PLCZ1: variants seen among roughly 807,000 people sequenced by gnomAD.
PLCZ1 encodes the protein phospholipase C zeta 1.
A neutral mutation model predicts 76.8 loss-of-function variants in PLCZ1; 64 were observed. The observed-to-expected ratio is 0.83, with a 90% CI of 0.68 to 1.03. PLCZ1 has a LOEUF of 1.03. Among genes scored for constraint, PLCZ1 ranks in the 50% least tolerant of loss-of-function variants. The pLI, the probability that PLCZ1 is intolerant of heterozygous loss-of-function variation, is 0.00. For synonymous variants in PLCZ1, 248 were observed against 230.8 expected, an observed-to-expected ratio of 1.07 and a Z score of -0.68; for missense variants, 751 against 713.7, an observed-to-expected ratio of 1.05 and a Z score of -0.60.
At chr12:18,651,313 C>G in the PLCZ1 span, among the ~76,000 whole-genome samples, 1 of 152,228 alleles carries the variant, frequency 6.6e-6, no homozygotes, top group African/African-American at 2.4e-5. Flanking sequence ...CCCTGCCTAC[C>G]TTGAACACCC....
At chr12:18,668,743 C>A in the PLCZ1 span, among the ~76,000 whole-genome samples, 1 of 152,116 alleles carries the variant, frequency 6.6e-6, no homozygotes, top group African/African-American at 2.4e-5. Context: ...TGCTCACACC[C>A]CAAAGCTATA....
At chr12:18,657,209 G>T in the PLCZ1 span, among the ~76,000 whole-genome samples, 18 of 152,156 alleles carry the variant, frequency 1.2e-4, no homozygotes, top group African/African-American at 4.3e-4. Context: ...AGGAATAATA[G>T]AGTTGGAACA....
the PLCZ1 span, chr12:18,648,184 A>AT: frequency 2.6e-6 from 1 of 385,568 alleles, no homozygotes; most frequent in African/African-American, 2.1e-5. Flanking sequence ...TGTGTTGTTT[A>AT]TTTTCTACCT....
chr12:18,675,331 A>T, the PLCZ1 span, among the ~76,000 whole-genome samples: 2 of 152,254 alleles, frequency 1.3e-5, no homozygotes, highest in East Asian at 3.9e-4. Flanking sequence ...AAAGTTTTAT[A>T]ACCATTATAG....
chr12:18,724,573 A>T (rs16914547), intron 3 of PLCZ1, among the ~76,000 whole-genome samples: 4,472 of 152,234 alleles, frequency 0.029, 109 homozygotes, highest in Non-Finnish European at 0.043. Context: ...GTCAAATCAG[A>T]TGCGGGGTCT....
intron 6 of PLCZ1, among the ~76,000 whole-genome samples, chr12:18,712,182 TA>T (rs1957424003): frequency 6.6e-6 from 1 of 152,164 alleles, no homozygotes; most frequent in East Asian, 1.9e-4. Flanking sequence ...TCAAGTGTGT[TA>T]AGTTTACAAA....
rs1959607968 is a variant in PLCZ1 at position 18,737,931 on chromosome 12, C to T, written c.-139+1G>A. The T allele has an allele frequency of 3.2e-6, 1 of 311,728 alleles. No homozygotes were observed. Among genetic ancestry groups the T allele is most frequent in the Admixed American group, 4.7e-5 (1 of 21,504 alleles). The allele number at this position is 311,728 out of a possible 1,614,324, so 19.3% of individuals were successfully genotyped here. On this transcript the variant is annotated splice_donor_variant, in intron 1 of 14. Coordinates refer to ENST00000266505, the MANE Select transcript of PLCZ1 (RefSeq NM_033123.4). LOFTEE classifies it low-confidence loss of function (5UTR_SPLICE). Reference sequence around the variant, plus strand: ...AACATATAATGCACACAGAGACACACCACTTTCGAAGAAGACTGTTCAGGA... The same window carrying T: ...AACATATAATGCACACAGAGACACATCACTTTCGAAGAAGACTGTTCAGGA...
At chr12:18,670,754 A>G in the PLCZ1 span, among the ~76,000 whole-genome samples, 20 of 152,138 alleles carry the variant, frequency 1.3e-4, no homozygotes, top group Non-Finnish European at 2.4e-4. Context: ...ATCCTGAACT[A>G]TTTTAGGTGC....
chr12:18,660,969 A>G, the PLCZ1 span, among the ~76,000 whole-genome samples: 2 of 152,160 alleles, frequency 1.3e-5, no homozygotes, highest in Non-Finnish European at 2.9e-5. Context: ...TAGAAAACCC[A>G]AATGAAGCCA....
chr12:18,650,493 C>A, the PLCZ1 span, among the ~76,000 whole-genome samples: 2 of 148,768 alleles, frequency 1.3e-5, no homozygotes, highest in South Asian at 2.1e-4. Context: ...TAAATGTTTT[C>A]CTGTGTATGA....
chr12:18,655,500 A>G, the PLCZ1 span, among the ~76,000 whole-genome samples: 1 of 152,224 alleles, frequency 6.6e-6, no homozygotes, highest in Non-Finnish European at 1.5e-5. Context: ...GGTAGAACAT[A>G]GCTACCCATT....
At chr12:18,683,821 C>G (rs1304963913) in intron 14 of PLCZ1, among the ~76,000 whole-genome samples, 1 of 151,874 alleles carries the variant, frequency 6.6e-6, no homozygotes, top group Non-Finnish European at 1.5e-5. Context: ...GGTTGCCACC[C>G]ATCATCATTT....
At chr12:18,664,202 G>A in the PLCZ1 span, among the ~76,000 whole-genome samples, 1 of 152,170 alleles carries the variant, frequency 6.6e-6, no homozygotes, top group African/African-American at 2.4e-5. Flanking sequence ...GCCACTGTGG[G>A]ACACAGTTTG....
At chr12:18,736,456 A>T in intron 2 of PLCZ1, 112 bp from the exon 3 acceptor site, 1 of 1,272,324 alleles carries the variant, frequency 7.9e-7, no homozygotes, top group South Asian at 1.5e-5. Flanking sequence ...GAATATGTTT[A>T]AAGTAAATTA....
chr12:18,696,314 A>G, intron 10 of PLCZ1, 48 bp from the exon 11 acceptor site: 1 of 540,488 alleles, frequency 1.9e-6, no homozygotes, highest in Non-Finnish European at 3.2e-6. Flanking sequence ...AATAAATTTA[A>G]AAAGCCACTA....
At chr12:18,691,263 T>G (rs1954037773) in intron 12 of PLCZ1, among the ~76,000 whole-genome samples, 1 of 152,120 alleles carries the variant, frequency 6.6e-6, no homozygotes. Context: ...TGTTGACATT[T>G]AAGTAAGAGC....
At chr12:18,671,702 AATG>A in the PLCZ1 span, among the ~76,000 whole-genome samples, 1 of 152,174 alleles carries the variant, frequency 6.6e-6, no homozygotes, top group African/African-American at 2.4e-5. Flanking sequence ...GCTCCAGAAA[AATG>A]ATGAAGAAAA....
intron 3 of PLCZ1, among the ~76,000 whole-genome samples, chr12:18,726,210 A>T (rs1050311297): frequency 3.3e-5 from 5 of 152,172 alleles, no homozygotes; most frequent in Non-Finnish European, 5.9e-5. Flanking sequence ...TGCATATCCC[A>T]GAAGATATGC....
At chr12:18,698,283 T>TTCTATTCTATTCTAC (rs1313138054) in intron 10 of PLCZ1, among the ~76,000 whole-genome samples, 8 of 151,684 alleles carry the variant, frequency 5.3e-5, no homozygotes, top group East Asian at 1.9e-4. Context: ...TTCTATTCTA[T>TTCTATTCTATTCTAC]TCTACTCCAT....
Sources: allele counts gnomAD v4.1 joint callset (sites outside exome capture counted in the v4.1 genomes callset), GRCh38; gene constraint gnomAD v4.1.1; transcripts MANE v1.5; gene names NCBI Gene and HGNC (gene_info 2026-07-23, HGNC 2026-07-21).